Variants in PLEKHH1 observed in about 807,000 individuals in gnomAD.
PLEKHH1 encodes pleckstrin homology, MyTH4 and FERM domain containing H1.
PLEKHH1 carries 104 observed loss-of-function variants against 160.0 expected under a neutral mutation model. The ratio of observed to expected loss-of-function variants is 0.65; its 90% CI spans 0.55 to 0.76. The LOEUF is 0.76. Ranked by LOEUF, PLEKHH1 falls within the 30% of genes least tolerant of loss-of-function variation. PLEKHH1 has a pLI of 0.00. For synonymous variants in PLEKHH1, 619 were observed against 678.4 expected (o/e 0.91, Z 1.36); for missense variants, 1,427 against 1,724.1 (o/e 0.83, Z 3.05).
At chr14:67,538,188 A>G (rs1202981456) in intron 1 of PLEKHH1, among the ~76,000 whole-genome samples, 1 of 152,078 alleles carries the variant, frequency 6.6e-6, no homozygotes, top group African/African-American at 2.4e-5. Flanking sequence ...ATTTTTTGCC[A>G]TTAATGTATT....
chr14:67,562,861 A>G lies in PLEKHH1; in HGVS notation c.1230A>G (p.Pro410=). The G allele has an allele frequency of 6.2e-7, 1 of 1,613,386 alleles. No homozygotes were observed. Residue 410 remains proline (P), a synonymous_variant, in exon 7 of 29, where the codon CCA becomes CCG. Coordinates refer to ENST00000329153, the MANE Select transcript of PLEKHH1 (RefSeq NM_020715.3). ...ELEEVELGNK[P]PTPPLHQFSS... ...AGGAAGTGGAGCTGGGTAACAAGCC[A>G]CCTACACCCCCGCTGCACCAGTTTT...
In PLEKHH1 at chr14:67,582,228, AAGCAGG is replaced by A. The variant is rs2035936089; in HGVS notation, c.3426+21_3426+26del. 2 of 1,613,362 alleles carry A rather than the reference AAGCAGG, an allele frequency of 1.2e-6. No individual in the cohort carries two copies. The highest frequency in any genetic ancestry group is 1.7e-5 in the Admixed American group (1 of 59,998). On this transcript the variant is annotated intron_variant, in intron 24 of 28. Transcript: ENST00000329153. The surrounding 1 kb of genome is among the most constrained non-coding windows in gnomAD (Gnocchi z 5.0). ...TGGCCCAGGTAAGGTTCTGTTCAGG[AAGCAGG>A]AGGGTCGGGTTGCCAGCTTAGAATG...
At position 67,533,315 on chromosome 14, in the gene PLEKHH1, A is replaced by AGCGACGCAAGGTCGCT. The variant is rs1184423054; in HGVS notation, c.-104_-103insCTGCGACGCAAGGTCG. On this transcript the variant is annotated 5_prime_UTR_variant, in exon 1 of 29. Coordinates refer to ENST00000329153, the MANE Select transcript of PLEKHH1 (RefSeq NM_020715.3). The stretch of plus-strand genomic sequence containing the variant: ...GGCGGCAGCCCGGGACTCCGGCGAG[A>AGCGACGCAAGGTCGCT]GCGACGCAAGGTCGGCTGCGGCGGC... The AGCGACGCAAGGTCGCT allele has an allele frequency of 6.6e-6, 1 of 151,610 alleles. No homozygotes were observed. Among genetic ancestry groups the AGCGACGCAAGGTCGCT allele is most frequent in the Non-Finnish European group, 1.5e-5 (1 of 67,816 alleles). The allele number at this position is 151,610 out of a possible 1,614,324, so 9.4% of individuals were successfully genotyped here. A position where few individuals can be genotyped will look rare whatever the true frequency, so the allele number is the denominator to read the frequency against.
In PLEKHH1 at chr14:67,587,072, A is replaced by C. The variant is rs1320255955; in HGVS notation, c.3934-2A>C. The C allele has an allele frequency of 6.3e-7, 1 of 1,595,248 alleles. No individual in the cohort carries two copies. The highest frequency in any genetic ancestry group is 1.3e-5 in the African/African-American group (1 of 74,632). Reference sequence around the variant, plus strand: ...TCCTTCACATCTCTGACCTCCTCTTAGATTGCAGAAGCTACCTTCATCATG... The same window carrying C: ...TCCTTCACATCTCTGACCTCCTCTTCGATTGCAGAAGCTACCTTCATCATG... On this transcript the variant is annotated splice_acceptor_variant, in intron 28 of 28. Coordinates refer to ENST00000329153, the MANE Select transcript of PLEKHH1 (RefSeq NM_020715.3). LOFTEE classifies it high-confidence loss of function.
intron 28 of PLEKHH1, chr14:67,586,590 A>T (rs1176373089): frequency 8.4e-6 from 4 of 475,728 alleles, no homozygotes; most frequent in Non-Finnish European, 1.5e-5. Flanking sequence ...CTTTGTTCCT[A>T]CTCAATACAG....
chr14:67,576,014 G>C lies in PLEKHH1; in HGVS notation c.2352+9G>C, dbSNP rs2035610709. ...GCACCAAGCATGAAAAGGTAAGGAA[G>C]AGGGCTGGGCCTCCAGGGCCAAGCT... On this transcript the variant is annotated intron_variant, in intron 16 of 28. Transcript: ENST00000329153. The surrounding 1 kb of genome is among the most constrained non-coding windows in gnomAD (Gnocchi z 4.0). 1 of 1,602,722 alleles carries C rather than the reference G, an allele frequency of 6.2e-7. No homozygotes were observed. Among genetic ancestry groups the C allele is most frequent in the Non-Finnish European group, 8.5e-7 (1 of 1,171,530 alleles).
At position 67,575,411 on chromosome 14, in the gene PLEKHH1, A is replaced by T; in HGVS notation, c.2108A>T (p.Lys703Met). ...WLTKVKHGHS[K>M]VVWCALVGKI... ...TTACAGGTAAAGCATGGCCACTCCA[A>T]GGTGGTCTGGTGCGCTCTTGTTGGG... is the stretch of plus-strand genomic sequence containing the variant. The change falls in exon 15 of 29, where the codon AAG becomes ATG. Residue 703 changes from lysine to methionine, a missense_variant. Physicochemically the swap from Lys to Met is moderately conservative, Grantham distance 95. Transcript: ENST00000329153. 1 of 1,608,824 alleles carries T rather than the reference A, an allele frequency of 6.2e-7. No individual in the cohort carries two copies. Among genetic ancestry groups the T allele is most frequent in the Non-Finnish European group, 8.5e-7 (1 of 1,177,044 alleles).
In PLEKHH1 at chr14:67,576,562, G is replaced by T; in HGVS notation, c.2461+59G>T. The T allele has an allele frequency of 1.2e-6, 1 of 844,852 alleles. No homozygotes were observed. Among genetic ancestry groups the T allele is most frequent in the South Asian group, 1.4e-5 (1 of 71,086 alleles). 52.3% of individuals were successfully genotyped at this position (844,852 alleles called of 1,614,324 possible). A position where few individuals can be genotyped will look rare whatever the true frequency, so the allele number is the denominator to read the frequency against. ...GAGGGTAGTGGCTTGGTGACTATTG[G>T]TCAAGATCCCAAAGAAAGCAGTGTT... On this transcript the variant is annotated intron_variant, in intron 17 of 28. Coordinates refer to ENST00000329153, the MANE Select transcript of PLEKHH1 (RefSeq NM_020715.3). The surrounding 1 kb of genome is among the most constrained non-coding windows in gnomAD (Gnocchi z 4.0).
chr14:67,547,776 G>A (rs184679042), intron 2 of PLEKHH1, among the ~76,000 whole-genome samples: 15 of 152,082 alleles, frequency 9.9e-5, no homozygotes, highest in Admixed American at 2.6e-4. Flanking sequence ...TGACTCCCTC[G>A]TACAAAATTG....
Position 67,579,222 on chromosome 14 carries a change from A to G in PLEKHH1, c.2938A>G (p.Met980Val), listed in dbSNP as rs780598844. Residue 980 changes from methionine (M) to valine (V), a missense_variant, in exon 21 of 29, where the codon ATG (methionine) becomes GTG (valine). Coordinates refer to ENST00000329153, the MANE Select transcript of PLEKHH1 (RefSeq NM_020715.3). Reference sequence around the variant, plus strand: ...GGAGCGGGAAGCCAGGCCATCGCGCATGGAAGTGGTGTCCATCCTGCTGCG... The same window carrying G: ...GGAGCGGGAAGCCAGGCCATCGCGCGTGGAAGTGGTGTCCATCCTGCTGCG... The part of the protein sequence containing the change: ...TGEREARPSR[M>V]EVVSILLRNP... 1.4e-5 allele frequency: 22 copies of G among 1,611,256 alleles called. No individual in the cohort carries two copies. The highest frequency in any genetic ancestry group is 5.3e-5 in the African/African-American group (4 of 74,838).
Position 67,561,988 on chromosome 14 carries a change from A to G in PLEKHH1, c.458A>G (p.Asn153Ser). ...GAGAATCAGCATCTGAAAAGCCATA[A>G]TCAGCGCCTGGTGGAGCAGGTGGGA... ...EMENQHLKSH[N>S]QRLVEQVGSL... Residue 153 changes from asparagine to serine, a missense_variant, in exon 6 of 29, where the codon AAT (asparagine) becomes AGT (serine). Asn to Ser is a conservative substitution (Grantham distance 46). Transcript: ENST00000329153. 1 of 1,613,960 alleles carries G rather than the reference A, an allele frequency of 6.2e-7. No homozygotes were observed. The highest frequency in any genetic ancestry group is 8.5e-7 in the Non-Finnish European group (1 of 1,179,854).
intron 15 of PLEKHH1, 87 bp downstream of exon 15, chr14:67,575,559 C>A: frequency 2.4e-6 from 2 of 820,848 alleles, no homozygotes; most frequent in Admixed American, 2.0e-5. Context: ...AAAGTCCCTA[C>A]CCCACGTAAC....
At chr14:67,536,106 G>A (rs2033706043) in intron 1 of PLEKHH1, among the ~76,000 whole-genome samples, 1 of 152,032 alleles carries the variant, frequency 6.6e-6, no homozygotes, top group African/African-American at 2.4e-5. Flanking sequence ...CTCAAGGAAT[G>A]TTGTACCTGG....
At chr14:67,586,848 A>G (rs983677951) in intron 28 of PLEKHH1, 1 of 1,501,180 alleles carries the variant, frequency 6.7e-7, no homozygotes, top group South Asian at 1.2e-5. Flanking sequence ...CTTTTCTCAG[A>G]AGGGCACTGT....
chr14:67,540,592 C>T (rs1056273071), intron 1 of PLEKHH1, among the ~76,000 whole-genome samples: 2 of 150,626 alleles, frequency 1.3e-5, no homozygotes, highest in African/African-American at 4.9e-5. Context: ...CACCATTGTA[C>T]TCCAGTGTGG....
chr14:67,554,846 T>C (rs1052733716), intron 2 of PLEKHH1, among the ~76,000 whole-genome samples: 3 of 152,178 alleles, frequency 2.0e-5, no homozygotes, highest in Non-Finnish European at 4.4e-5. Context: ...TGGTGTAATA[T>C]CCAGAATTTC....
chr14:67,560,800 G>A (rs2034804455), intron 5 of PLEKHH1, among the ~76,000 whole-genome samples: 1 of 144,814 alleles, frequency 6.9e-6, no homozygotes, highest in South Asian at 2.1e-4. Flanking sequence ...GCACAATATC[G>A]GCTCTCTGCA....
At position 67,586,106 on chromosome 14, in the gene PLEKHH1, G is replaced by T; in HGVS notation, c.3933+9G>T. On this transcript the variant is annotated intron_variant, in intron 28 of 28. Transcript: ENST00000329153. ...GGATGGCTGCTCCCAAGGTAGGTCTGACAGCTGTTAAAACGTTCTACTCTG... is the reference window on the plus strand; with the variant it reads ...GGATGGCTGCTCCCAAGGTAGGTCTTACAGCTGTTAAAACGTTCTACTCTG... The T allele has an allele frequency of 6.2e-7, 1 of 1,613,614 alleles. No homozygotes were observed. Among genetic ancestry groups the T allele is most frequent in the Non-Finnish European group, 8.5e-7 (1 of 1,179,834 alleles).
Position 67,559,494 on chromosome 14 carries a change from G to A in PLEKHH1, c.340-114G>A, listed in dbSNP as rs1025984191. Reference sequence around the variant, plus strand: ...TTTCAACAAACGATTTCTGCTCACTGGCTTTGCGAGGTCAGTGGCACGCAC... The same window carrying A: ...TTTCAACAAACGATTTCTGCTCACTAGCTTTGCGAGGTCAGTGGCACGCAC... On this transcript the variant is annotated intron_variant, in intron 4 of 28. Coordinates refer to ENST00000329153, the MANE Select transcript of PLEKHH1 (RefSeq NM_020715.3). The A allele has an allele frequency of 3.3e-5, 22 of 674,202 alleles. No individual in the cohort carries two copies. In the Admixed American group the frequency reaches 5.4e-4, roughly 17 times the overall value. The allele number at this position is 674,202 out of a possible 1,614,324, so 41.8% of individuals were successfully genotyped here.
Sources: gnomAD v4.1 joint callset for allele counts (sites outside exome capture counted in the v4.1 genomes callset) on GRCh38, gnomAD v4.1.1 for gene constraint, Gnocchi (gnomAD v3.1) non-coding constraint, MANE v1.5 for transcripts, NCBI Gene and HGNC (gene_info 2026-07-23, HGNC 2026-07-21) for gene names.